Variants in DYNC1I1 observed in about 807,000 individuals in gnomAD.
DYNC1I1 encodes the protein dynein cytoplasmic 1 intermediate chain 1, also known as cytoplasmic dynein 1 intermediate chain 1.
Under a neutral mutation model 86.6 loss-of-function variants are expected in DYNC1I1, and 43 were observed. That is an observed-to-expected ratio of 0.50 (90% CI 0.39 to 0.64). The LOEUF (loss-of-function observed/expected upper bound fraction) is 0.64. DYNC1I1 is among the 30% of genes least tolerant of loss of function. The probability of loss-of-function intolerance (pLI) is 0.00; values close to 1 mark genes in which losing one functional copy is unlikely to be tolerated. For missense variants in DYNC1I1, 604 were observed against 788.8 expected (o/e 0.77, Z 2.81); for synonymous variants, 262 against 283.7 (o/e 0.92, Z 0.77).
At chr7:96,012,582 T>TA (rs1350077478) in intron 10 of DYNC1I1, among the ~76,000 whole-genome samples, 5 of 152,136 alleles carry the variant, frequency 3.3e-5, no homozygotes, top group African/African-American at 1.2e-4. Context: ...AGCCAAAACA[T>TA]AAACTCAGGT....
intron 6 of DYNC1I1, among the ~76,000 whole-genome samples, chr7:95,909,993 A>T (rs891522169): frequency 2.6e-5 from 4 of 152,192 alleles, no homozygotes; most frequent in Non-Finnish European, 5.9e-5. Context: ...CTGGGTCAGA[A>T]GACTGGCTGC....
At chr7:95,895,512 T>A (rs2116286326) in intron 6 of DYNC1I1, among the ~76,000 whole-genome samples, 1 of 152,294 alleles carries the variant, frequency 6.6e-6, no homozygotes, top group Non-Finnish European at 1.5e-5. Flanking sequence ...AAGTCTCCTG[T>A]CTCCTTTGGA....
intron 12 of DYNC1I1, among the ~76,000 whole-genome samples, chr7:96,034,021 A>AATT (rs201081768): frequency 1.3e-5 from 2 of 148,814 alleles, no homozygotes; most frequent in East Asian, 1.9e-4. Context: ...TGAAAAAAAT[A>AATT]ATTATTATTA....
At chr7:95,806,441 A>G (rs1465816248) in intron 2 of DYNC1I1, among the ~76,000 whole-genome samples, 1 of 152,146 alleles carries the variant, frequency 6.6e-6, no homozygotes, top group Non-Finnish European at 1.5e-5. Flanking sequence ...TTGCCTGGTG[A>G]GGATTTAGCT....
At chr7:95,850,703 A>T (rs1304375) in intron 5 of DYNC1I1, among the ~76,000 whole-genome samples, 77,652 of 152,110 alleles carry the variant, frequency 0.51, 21,889 homozygotes, top group Middle Eastern at 0.65. Flanking sequence ...AAAACTAGCA[A>T]GGGTTTCCTT....
intron 10 of DYNC1I1, among the ~76,000 whole-genome samples, chr7:96,014,536 C>T (rs1001661966): frequency 1.6e-4 from 25 of 152,308 alleles, no homozygotes; most frequent in African/African-American, 5.5e-4. Flanking sequence ...GCTGGTCTCA[C>T]TGTTGGTGTC....
chr7:95,811,039 AT>A (rs942425936), intron 3 of DYNC1I1, among the ~76,000 whole-genome samples: 2 of 152,122 alleles, frequency 1.3e-5, no homozygotes, highest in Admixed American at 1.3e-4. Flanking sequence ...ACTTTATTGT[AT>A]TTTGATTTGA....
Position 96,097,560 on chromosome 7 carries a change from C to T in DYNC1I1, c.1854C>T (p.Ser618=), listed in dbSNP as rs766333170. The T allele has an allele frequency of 2.1e-5, 34 of 1,613,622 alleles. No individual in the cohort carries two copies. The South Asian group carries it at 3.0e-4, about 14-fold the overall frequency. The change falls in exon 17 of 17, where the codon AGC becomes AGT. Residue 618 remains serine (S), a synonymous_variant. Transcript: ENST00000447467. ...LVEIRANRAD[S]EEEGTVELSA ...AAATTCGTGCTAACAGAGCTGATAG[C>T]GAGGAGGAAGGCACTGTTGAGTTAT...
At chr7:96,086,131 T>C (rs1790672520) in intron 16 of DYNC1I1, among the ~76,000 whole-genome samples, 1 of 152,222 alleles carries the variant, frequency 6.6e-6, no homozygotes, top group Admixed American at 6.5e-5. Flanking sequence ...TTCTTGCAGA[T>C]GTGTTTTATA....
chr7:96,055,147 G>A (rs1440005718), intron 14 of DYNC1I1, among the ~76,000 whole-genome samples: 1 of 152,090 alleles, frequency 6.6e-6, no homozygotes, highest in Non-Finnish European at 1.5e-5. Flanking sequence ...TCTGTATAAG[G>A]TGTAAGGAAT....
intron 16 of DYNC1I1, among the ~76,000 whole-genome samples, chr7:96,089,214 C>T (rs1425477811): frequency 7.2e-6 from 1 of 138,266 alleles, no homozygotes; most frequent in Non-Finnish European, 1.6e-5. Flanking sequence ...GTCAGCCCTC[C>T]CTTGATTATC....
chr7:95,778,445 G>A (rs1246275081), intron 1 of DYNC1I1, among the ~76,000 whole-genome samples: 1 of 152,194 alleles, frequency 6.6e-6, no homozygotes, highest in Admixed American at 6.5e-5. Context: ...GGTCAGTGTG[G>A]CACAGCTACT....
chr7:95,930,644 G>A (rs1791867835), intron 6 of DYNC1I1, among the ~76,000 whole-genome samples: 3 of 152,198 alleles, frequency 2.0e-5, no homozygotes, highest in Non-Finnish European at 2.9e-5. Context: ...TTACAAGATT[G>A]TTATTGGCTA....
At chr7:95,913,142 G>C (rs1791381450) in intron 6 of DYNC1I1, among the ~76,000 whole-genome samples, 1 of 152,178 alleles carries the variant, frequency 6.6e-6, no homozygotes, top group Non-Finnish European at 1.5e-5. Flanking sequence ...TTAGGAGCCA[G>C]AGCCTAGTTC....
chr7:95,844,662 G>A (rs531605795), intron 5 of DYNC1I1, among the ~76,000 whole-genome samples: 18 of 152,032 alleles, frequency 1.2e-4, no homozygotes, highest in African/African-American at 4.1e-4. Context: ...GTGGAAAATG[G>A]TCCTCAACCA....
chr7:95,865,473 C>T (rs1476985075), intron 5 of DYNC1I1, among the ~76,000 whole-genome samples: 1 of 152,054 alleles, frequency 6.6e-6, no homozygotes, highest in African/African-American at 2.4e-5. Flanking sequence ...CTGCTATGTA[C>T]CTGACGCTAA....
intron 15 of DYNC1I1, among the ~76,000 whole-genome samples, chr7:96,078,032 G>A (rs938172020): frequency 3.3e-5 from 5 of 152,058 alleles, no homozygotes; most frequent in Admixed American, 1.3e-4. Flanking sequence ...GTAATGAACC[G>A]AACACTTTTT....
intron 4 of DYNC1I1, chr7:95,818,584 G>A (rs1354444707): frequency 3.2e-6 from 2 of 627,000 alleles, no homozygotes; most frequent in African/African-American, 3.7e-5. Context: ...AAAGTGGTGG[G>A]ATCCTCCTGC....
chr7:95,945,075 TTAAAA>T (rs563432869), intron 6 of DYNC1I1, among the ~76,000 whole-genome samples: 11 of 151,248 alleles, frequency 7.3e-5, no homozygotes, highest in South Asian at 2.1e-4. Context: ...AATAAAAAAA[TTAAAA>T]TAAAATAAAA....
Sources: allele counts gnomAD v4.1 joint callset (sites outside exome capture counted in the v4.1 genomes callset), GRCh38; gene constraint gnomAD v4.1.1; transcripts MANE v1.5; gene names NCBI Gene and HGNC (gene_info 2026-07-23, HGNC 2026-07-21).